Variants in PABIR3 observed in about 807,000 individuals in gnomAD.
The protein encoded by PABIR3 is PABIR family member 1.
In PABIR3, 20 loss-of-function variants were observed where a neutral mutation model predicts 23.1. The ratio of observed to expected loss-of-function variants is 0.86; its 90% CI spans 0.61 to 1.26. The LOEUF (loss-of-function observed/expected upper bound fraction) is 1.26, where lower values mean the gene tolerates loss of function less well. Ranked by LOEUF, PABIR3 falls within the 50% of genes most tolerant of loss-of-function variation. The pLI is 0.00. For synonymous variants in PABIR3, 69 were observed against 68.5 expected, an observed-to-expected ratio of 1.01 and a Z score of -0.04; for missense variants, 189 against 195.4, an observed-to-expected ratio of 0.97 and a Z score of 0.20.
chrX:134,823,466 A>T (rs1333772706), intron 3 of PABIR3, among the ~76,000 whole-genome samples: 3 of 111,570 alleles, frequency 2.7e-5, no homozygotes, highest in Admixed American at 1.9e-4. Context: ...AGTAGCATGA[A>T]TTAAACGTAT....
chrX:134,842,247 G>A (rs1359758516), intron 4 of PABIR3, among the ~76,000 whole-genome samples: 1 of 111,846 alleles, frequency 8.9e-6, no homozygotes, highest in Non-Finnish European at 1.9e-5. Flanking sequence ...TATATGATTT[G>A]CAGATATCTT....
At chrX:134,829,332 T>C in intron 4 of PABIR3, 50 bp downstream of exon 4, 1 of 1,039,935 alleles carries the variant, frequency 9.6e-7, no homozygotes, top group Non-Finnish European at 1.3e-6. Context: ...AAGTAAATTT[T>C]ATTTTTCTTT....
downstream of PABIR3, among the ~76,000 whole-genome samples, chrX:134,855,514 C>G (rs952955445): frequency 9.0e-6 from 1 of 111,620 alleles, no homozygotes; most frequent in Non-Finnish European, 1.9e-5. Flanking sequence ...GAAACATACT[C>G]TTATGAAATG....
rs201995773 is a variant in PABIR3 at position 134,807,594 on chromosome X, C to T, written c.-5C>T. On this transcript the variant is annotated 5_prime_UTR_variant, in exon 2 of 11. Transcript: ENST00000645433. ...AGCCTTGAGAACTTATTCCTCGACC[C>T]GGACATGGCACAGGAGAAAATGAAA... 37 of 1,208,524 alleles carry T rather than the reference C, an allele frequency of 3.1e-5. No individual in the cohort carries two copies. In the African/African-American group the frequency reaches 6.1e-4, roughly 20 times the overall value.
intron 3 of PABIR3, among the ~76,000 whole-genome samples, chrX:134,821,044 A>G (rs2081251810): frequency 1.0e-5 from 1 of 100,487 alleles, no homozygotes; most frequent in South Asian, 4.3e-4. Context: ...ATATACACAT[A>G]TATATGTATA....
chrX:134,856,615 A>T (rs1344899432), downstream of PABIR3, among the ~76,000 whole-genome samples: 1 of 112,098 alleles, frequency 8.9e-6, no homozygotes, highest in African/African-American at 3.2e-5. Context: ...GAGCTTGTGT[A>T]TTGGGAGGAT....
upstream of PABIR3, chrX:134,807,194 G>T: frequency 2.5e-6 from 2 of 806,861 alleles, no homozygotes; most frequent in Non-Finnish European, 3.0e-6. Flanking sequence ...GCTCTGAGGG[G>T]CGGGACCCAA....
downstream of PABIR3, among the ~76,000 whole-genome samples, chrX:134,857,707 ACTTATAAT>A (rs1366369467): frequency 9.0e-6 from 1 of 111,399 alleles, no homozygotes; most frequent in Non-Finnish European, 1.9e-5. Context: ...TTCCTATTTT[ACTTATAAT>A]CTTATAAAAG....
At chrX:134,823,623 T>G (rs1355732052) in intron 3 of PABIR3, among the ~76,000 whole-genome samples, 1 of 111,758 alleles carries the variant, frequency 8.9e-6, no homozygotes, top group Admixed American at 9.6e-5. Flanking sequence ...AATGTATACA[T>G]GTACACATAT....
rs145184457 is a variant in PABIR3, at chrX:134,831,886, C to T, written c.246+2604C>T. ...GTACCCATTAACCATCCCACTTCCT[C>T]GCCACCCCTCATTTACCCTTCCCAG... On this transcript the variant is annotated intron_variant, in intron 4 of 10. Coordinates refer to ENST00000645433, the MANE Select transcript of PABIR3 (RefSeq NM_001388447.1). 8.1e-3 allele frequency among the ~76,000 whole-genome samples: 904 copies of T among 111,605 alleles called. 7 individuals carry two copies. The highest frequency in any genetic ancestry group is 0.027 in the African/African-American group (820 of 30,736).
chrX:134,826,177 C>CTGAG (rs915418921), intron 3 of PABIR3, among the ~76,000 whole-genome samples: 1 of 111,169 alleles, frequency 9.0e-6, no homozygotes, highest in Non-Finnish European at 1.9e-5. Context: ...AATATCTTCA[C>CTGAG]GCTTTTGGCC....
chrX:134,859,445 CT>C (rs1387407780), downstream of PABIR3, among the ~76,000 whole-genome samples: 1 of 111,557 alleles, frequency 9.0e-6, no homozygotes, highest in Admixed American at 9.6e-5. Context: ...TAATTTCCCC[CT>C]GGTTTCTTGT....
chrX:134,853,060 A>C (rs745442605), intron 10 of PABIR3, among the ~76,000 whole-genome samples, 164 bp downstream of exon 10: 1 of 111,089 alleles, frequency 9.0e-6, no homozygotes, highest in Admixed American at 9.7e-5. Context: ...GAGTTATTTT[A>C]TTTTCTTTTT....
At chrX:134,833,356 CTT>C (rs2081874121) in intron 4 of PABIR3, among the ~76,000 whole-genome samples, 1 of 110,257 alleles carries the variant, frequency 9.1e-6, no homozygotes, top group Non-Finnish European at 1.9e-5. Flanking sequence ...ATGAGAAGGA[CTT>C]TTTTTCTCCA....
intron 3 of PABIR3, among the ~76,000 whole-genome samples, chrX:134,818,023 G>A (rs111662360): frequency 4.5e-5 from 5 of 111,596 alleles, no homozygotes; most frequent in African/African-American, 1.6e-4. Context: ...TTTCAAAGAT[G>A]GAATCAATGG....
At chrX:134,809,167 C>CT (rs762558459) in intron 2 of PABIR3, 2,300 of 124,281 alleles carry the variant, frequency 0.019, no homozygotes, top group South Asian at 0.031. Flanking sequence ...ATCTTGTTTC[C>CT]TTTTTTTTTT....
At chrX:134,836,165 G>A (rs1345888400) in intron 4 of PABIR3, among the ~76,000 whole-genome samples, 1 of 111,077 alleles carries the variant, frequency 9.0e-6, no homozygotes, top group Non-Finnish European at 1.9e-5. Context: ...GAGAGATGAC[G>A]TCTCCCTGTG....
intron 10 of PABIR3, 24 bp from the exon 11 acceptor site, chrX:134,854,067 A>G: frequency 8.3e-7 from 1 of 1,208,138 alleles, no homozygotes; most frequent in South Asian, 1.8e-5. Context: ...TCTGCTATCA[A>G]TGAGTGGCAT....
At chrX:134,797,775 C>T (rs1450614244) in intron 1 of PABIR3, among the ~76,000 whole-genome samples, 1 of 109,975 alleles carries the variant, frequency 9.1e-6, no homozygotes, top group African/African-American at 3.3e-5. Context: ...TTACAGAGTC[C>T]CTAACAATCA....
Sources: gnomAD v4.1 joint callset for allele counts (sites outside exome capture counted in the v4.1 genomes callset) on GRCh38, gnomAD v4.1.1 for gene constraint, MANE v1.5 for transcripts, NCBI Gene and HGNC (gene_info 2026-07-23, HGNC 2026-07-21) for gene names.